The following CCDC141 variants were observed in gnomAD, a reference collection of about 807,000 sequenced individuals.
CCDC141 encodes coiled-coil domain containing 141, also known as coiled-coil domain-containing protein 141.
In CCDC141, 168 loss-of-function variants were observed where a neutral mutation model predicts 181.0. The ratio of observed to expected loss-of-function variants is 0.93; its 90% CI spans 0.82 to 1.05. CCDC141 has a LOEUF of 1.05. Ranked by LOEUF, CCDC141 falls within the 50% of genes least tolerant of loss-of-function variation. CCDC141 has a pLI of 0.00. For missense variants in CCDC141, 1,902 were observed against 1,788.5 expected, an observed-to-expected ratio of 1.06 and a Z score of -1.14; for synonymous variants, 666 against 642.3, an observed-to-expected ratio of 1.04 and a Z score of -0.56.
At chr2:178,827,572 G>C (rs555908773), downstream of CCDC141, among the ~76,000 whole-genome samples, 95 of 152,230 alleles carry the variant, frequency 6.2e-4, no homozygotes, top group Non-Finnish European at 1.2e-3. Flanking sequence ...GTGCACTTAG[G>C]GGGTGATGTT....
At chr2:178,916,793 T>C (rs761535596) in intron 7 of CCDC141, among the ~76,000 whole-genome samples, 2 of 152,178 alleles carry the variant, frequency 1.3e-5, no homozygotes, top group African/African-American at 2.4e-5. Flanking sequence ...ATAATTTGTA[T>C]AGTTAGCATG....
intron 7 of CCDC141, among the ~76,000 whole-genome samples, chr2:178,911,583 A>G (rs1688220711): frequency 3.3e-5 from 5 of 152,220 alleles, no homozygotes. Flanking sequence ...TTTATCACCA[A>G]CTATAAGAAC....
At chr2:178,840,551 C>T (rs1234297280) in intron 22 of CCDC141, among the ~76,000 whole-genome samples, 1 of 152,154 alleles carries the variant, frequency 6.6e-6, no homozygotes, top group Admixed American at 6.5e-5. Flanking sequence ...CTATGAGGCC[C>T]TCACTTTTGG....
At chr2:178,911,479 G>A (rs1175428350) in intron 7 of CCDC141, among the ~76,000 whole-genome samples, 1 of 152,184 alleles carries the variant, frequency 6.6e-6, no homozygotes, top group Non-Finnish European at 1.5e-5. Flanking sequence ...TTTTGGCAAA[G>A]TGTAATGCTA....
intron 7 of CCDC141, among the ~76,000 whole-genome samples, chr2:178,906,507 GCCACATTGC>G (rs996125477): frequency 6.6e-6 from 1 of 152,204 alleles, no homozygotes; most frequent in African/African-American, 2.4e-5. Flanking sequence ...GGGAGGTCTT[GCCACATTGC>G]CCTTTAGCAC....
At chr2:178,970,385 G>A (rs780109220) in intron 4 of CCDC141, among the ~76,000 whole-genome samples, 6 of 152,020 alleles carry the variant, frequency 3.9e-5, no homozygotes, top group Non-Finnish European at 7.4e-5. Flanking sequence ...ACAACGCTAC[G>A]GTAAACAAAA....
chr2:179,019,956 A>G (rs889077705), intron 2 of CCDC141, among the ~76,000 whole-genome samples: 2 of 151,904 alleles, frequency 1.3e-5, no homozygotes, highest in Admixed American at 1.3e-4. Context: ...GAGTTTCACC[A>G]TGTTGCCCAG....
intron 7 of CCDC141, among the ~76,000 whole-genome samples, chr2:178,915,212 AG>A (rs1330044968): frequency 2.0e-5 from 3 of 152,060 alleles, no homozygotes; most frequent in African/African-American, 7.2e-5. Flanking sequence ...TGAAAGGAAA[AG>A]GGGGAAGAGG....
intron 2 of CCDC141, among the ~76,000 whole-genome samples, chr2:178,984,713 C>A (rs1691627909): frequency 6.7e-6 from 1 of 150,260 alleles, no homozygotes. Context: ...TCAAAAGAGA[C>A]AAAGAAGGCC....
Position 179,049,968 on chromosome 2 carries a change from T to C in CCDC141, c.-27A>G. 6.5e-7 allele frequency: 1 copy of C among 1,550,230 alleles called. No individual in the cohort carries two copies. Among genetic ancestry groups the C allele is most frequent in the Non-Finnish European group, 8.7e-7 (1 of 1,146,740 alleles). On this transcript the variant is annotated 5_prime_UTR_variant, in exon 1 of 24. Coordinates refer to ENST00000443758, the MANE Select transcript of CCDC141 (RefSeq NM_173648.4). ...GTACTTTAGAACCAGAGTTTATACT[T>C]TGGGCAGCCTCTGGACAGTTGTGTG...
At chr2:178,881,947 A>T (rs1207175287) in intron 11 of CCDC141, among the ~76,000 whole-genome samples, 4 of 150,940 alleles carry the variant, frequency 2.7e-5, no homozygotes, top group African/African-American at 9.7e-5. Context: ...ACACACACAC[A>T]CACACACACA....
intron 2 of CCDC141, among the ~76,000 whole-genome samples, chr2:179,013,509 G>A (rs1014598876): frequency 1.3e-5 from 2 of 152,164 alleles, no homozygotes; most frequent in Non-Finnish European, 2.9e-5. Context: ...TGGATGGGTA[G>A]AATCAATATT....
intron 4 of CCDC141, among the ~76,000 whole-genome samples, chr2:178,962,473 T>A (rs565318039): frequency 5.9e-5 from 9 of 152,198 alleles, no homozygotes; most frequent in Admixed American, 1.3e-4. Context: ...GAAAGCATCA[T>A]TTGTTGCCTG....
chr2:178,908,307 G>GC (rs1688070000), intron 7 of CCDC141, among the ~76,000 whole-genome samples: 1 of 152,090 alleles, frequency 6.6e-6, no homozygotes, highest in Admixed American at 6.5e-5. Context: ...TGATTCTCGT[G>GC]CCTCAGCCTC....
At chr2:178,924,379 A>G (rs972414361) in intron 6 of CCDC141, among the ~76,000 whole-genome samples, 1 of 152,240 alleles carries the variant, frequency 6.6e-6, no homozygotes, top group Non-Finnish European at 1.5e-5. Context: ...CAGAACAACT[A>G]GAATTAACTC....
At chr2:179,002,553 G>C (rs1475383066) in intron 2 of CCDC141, 8 of 350,552 alleles carry the variant, frequency 2.3e-5, no homozygotes, top group African/African-American at 1.8e-4. Context: ...AAGAAGGTAA[G>C]CCTAGGACCA....
intron 5 of CCDC141, among the ~76,000 whole-genome samples, chr2:178,960,388 G>T (rs1307156068): frequency 6.6e-6 from 1 of 152,110 alleles, no homozygotes; most frequent in Non-Finnish European, 1.5e-5. Flanking sequence ...CTATATGAAT[G>T]TCTCTTCAAT....
intron 14 of CCDC141, among the ~76,000 whole-genome samples, chr2:178,869,735 T>A (rs1686024926): frequency 6.6e-6 from 1 of 152,162 alleles, no homozygotes; most frequent in African/African-American, 2.4e-5. Context: ...GGGGAATAAC[T>A]TGTGCTCTGT....
intron 2 of CCDC141, among the ~76,000 whole-genome samples, chr2:179,025,612 T>C (rs1397932476): frequency 6.6e-6 from 1 of 152,128 alleles, no homozygotes; most frequent in East Asian, 1.9e-4. Context: ...TTATCAGCAG[T>C]GTGAAAATGG....
Sources: allele counts gnomAD v4.1 joint callset (sites outside exome capture counted in the v4.1 genomes callset), GRCh38; gene constraint gnomAD v4.1.1; transcripts MANE v1.5; gene names NCBI Gene and HGNC (gene_info 2026-07-23, HGNC 2026-07-21).